The following ATG4C variants were observed in gnomAD, a reference collection of about 807,000 sequenced individuals.
ATG4C encodes the protein cysteine protease ATG4C.
In ATG4C, 56 loss-of-function variants were observed where a neutral mutation model predicts 57.6. The ratio of observed to expected loss-of-function variants is 0.97; its 90% confidence interval spans 0.78 to 1.21. The LOEUF (loss-of-function observed/expected upper bound fraction) is 1.21, where lower values mean the gene tolerates loss of function less well. ATG4C is among the 50% of genes most tolerant of loss of function. The pLI, the probability that ATG4C is intolerant of heterozygous loss-of-function variation, is 0.00. For synonymous variants in ATG4C, 157 were observed against 174.1 expected (o/e 0.90, Z 0.78); for missense variants, 595 against 529.8 (o/e 1.12, Z -1.21).
chr1:62,805,151 T>TC, intron 2 of ATG4C, 21 bp from the exon 3 acceptor site: 1 of 1,515,122 alleles, frequency 6.6e-7, no homozygotes, highest in Non-Finnish European at 8.7e-7. Flanking sequence ...CGTTTTCTTT[T>TC]CTTTTTTTTT....
intron 3 of ATG4C, among the ~76,000 whole-genome samples, chr1:62,815,964 C>A (rs546951123): frequency 1.3e-5 from 2 of 152,016 alleles, no homozygotes; most frequent in Non-Finnish European, 2.9e-5. Context: ...AGATTACAGG[C>A]GTGAGCCACC....
intron 6 of ATG4C, among the ~76,000 whole-genome samples, chr1:62,822,567 G>A (rs1665515567): frequency 6.6e-6 from 1 of 152,096 alleles, no homozygotes; most frequent in Admixed American, 6.6e-5. Flanking sequence ...CCTTGTTATA[G>A]AAATGGTTTG....
At chr1:62,785,774 T>G (rs564025313) in intron 1 of ATG4C, among the ~76,000 whole-genome samples, 1 of 152,332 alleles carries the variant, frequency 6.6e-6, no homozygotes, top group East Asian at 1.9e-4. Flanking sequence ...GGTACAATGT[T>G]AAATTGGGAT....
At chr1:62,797,010 A>C (rs969320921) in intron 1 of ATG4C, among the ~76,000 whole-genome samples, 2 of 152,120 alleles carry the variant, frequency 1.3e-5, no homozygotes, top group African/African-American at 4.8e-5. Flanking sequence ...CCTGAGGCTG[A>C]TGCAGGAGAA....
intron 6 of ATG4C, among the ~76,000 whole-genome samples, chr1:62,824,669 C>CT (rs397862637): frequency 0.6 from 81,435 of 135,432 alleles, 24,684 homozygotes; most frequent in Admixed American, 0.68. Context: ...CTCTCTCTCT[C>CT]TTTTTTTTTT....
chr1:62,813,899 A>G (rs1211139979), intron 3 of ATG4C, among the ~76,000 whole-genome samples: 1 of 152,222 alleles, frequency 6.6e-6, no homozygotes, highest in Non-Finnish European at 1.5e-5. Flanking sequence ...ATGAGATACC[A>G]TCTCACGCCA....
intron 1 of ATG4C, among the ~76,000 whole-genome samples, chr1:62,800,801 C>G (rs1664632360): frequency 6.6e-6 from 1 of 152,114 alleles, no homozygotes; most frequent in Non-Finnish European, 1.5e-5. Flanking sequence ...TAAGAACAGT[C>G]AGTTACAGTA....
chr1:62,807,162 AAT>A (rs1664908312), intron 3 of ATG4C, among the ~76,000 whole-genome samples: 1 of 152,180 alleles, frequency 6.6e-6, no homozygotes, highest in South Asian at 2.1e-4. Flanking sequence ...AAATCATAGG[AAT>A]TATATATATT....
At chr1:62,803,522 T>A (rs1664752897) in intron 1 of ATG4C, among the ~76,000 whole-genome samples, 197 bp from the exon 2 acceptor site, 1 of 152,216 alleles carries the variant, frequency 6.6e-6, no homozygotes, top group Non-Finnish European at 1.5e-5. Context: ...AATTAAAATA[T>A]AGAATATCTT....
chr1:62,804,458 T>TA (rs1664789744), intron 2 of ATG4C, among the ~76,000 whole-genome samples: 1 of 151,964 alleles, frequency 6.6e-6, no homozygotes, highest in Non-Finnish European at 1.5e-5. Context: ...TTTTTTTTTT[T>TA]AGCGTTCTAA....
chr1:62,784,420 T>G (rs1022443181), intron 1 of ATG4C, 147 bp downstream of exon 1: 6 of 152,460 alleles, frequency 3.9e-5, no homozygotes, highest in African/African-American at 1.4e-4. Flanking sequence ...TTTGGCGCCT[T>G]CCTTGTCTCT....
In ATG4C at chr1:62,803,798, A is replaced by G; in HGVS notation, c.12A>G (p.Thr4=). The G allele has an allele frequency of 1.2e-6, 2 of 1,606,742 alleles. No individual in the cohort carries two copies. Among genetic ancestry groups the G allele is most frequent in the Non-Finnish European group, 1.7e-6 (2 of 1,175,828 alleles). MEA[T]GTDEVDKLKT... ...TTTAGAATTTGAATATGGAGGCTAC[A>G]GGAACAGATGAAGTTGACAAGCTAA... is the stretch of plus-strand genomic sequence containing the variant. Residue 4 remains threonine, a synonymous_variant, in exon 2 of 11, where the codon ACA becomes ACG. Transcript: ENST00000317868.
At chr1:62,784,783 A>G (rs988555107) in intron 1 of ATG4C, among the ~76,000 whole-genome samples, 3 of 152,154 alleles carry the variant, frequency 2.0e-5, no homozygotes, top group Non-Finnish European at 4.4e-5. Context: ...TTCCATCTAA[A>G]TATTAACGTT....
intron 10 of ATG4C, among the ~76,000 whole-genome samples, chr1:62,846,548 G>A (rs771548369): frequency 3.9e-5 from 6 of 152,030 alleles, no homozygotes; most frequent in African/African-American, 9.7e-5. Context: ...TACATCTGGC[G>A]TACGTTTCCA....
chr1:62,859,836 A>C (rs1666796925), intron 10 of ATG4C, among the ~76,000 whole-genome samples: 1 of 151,992 alleles, frequency 6.6e-6, no homozygotes, highest in Admixed American at 6.6e-5. Context: ...CTGGGATTAC[A>C]GGCGCCCACC....
chr1:62,861,689 A>T (rs988909008), intron 10 of ATG4C, among the ~76,000 whole-genome samples: 2 of 151,992 alleles, frequency 1.3e-5, no homozygotes, highest in Admixed American at 1.3e-4. Flanking sequence ...ATGTTTTGTT[A>T]TCTTTCAGTC....
intron 3 of ATG4C, among the ~76,000 whole-genome samples, chr1:62,806,559 G>C (rs544082774): frequency 6.6e-6 from 1 of 151,878 alleles, no homozygotes; most frequent in African/African-American, 2.4e-5. Flanking sequence ...AAAATCAAGC[G>C]ATGAAAAGTA....
intron 10 of ATG4C, among the ~76,000 whole-genome samples, chr1:62,859,486 A>G (rs1479653433): frequency 6.6e-6 from 1 of 152,174 alleles, no homozygotes; most frequent in Non-Finnish European, 1.5e-5. Context: ...AAAATAAAAA[A>G]TGGTGTACCT....
At chr1:62,815,052 G>A (rs563795226) in intron 3 of ATG4C, among the ~76,000 whole-genome samples, 2 of 152,158 alleles carry the variant, frequency 1.3e-5, no homozygotes, top group East Asian at 1.9e-4. Flanking sequence ...GTGACAGAAC[G>A]AGACTCTTTC....
Sources: gnomAD v4.1 joint callset for allele counts (sites outside exome capture counted in the v4.1 genomes callset) on GRCh38, gnomAD v4.1.1 for gene constraint, MANE v1.5 for transcripts, NCBI Gene and HGNC (gene_info 2026-07-23, HGNC 2026-07-21) for gene names.